SIRT7: variants seen among roughly 807,000 people sequenced by gnomAD.
SIRT7 encodes the protein NAD-dependent protein deacetylase sirtuin-7.
Under a neutral mutation model 42.8 loss-of-function variants are expected in SIRT7, and 32 were observed. The observed-to-expected ratio is 0.75, with a 90% CI of 0.56 to 1.00. The LOEUF is 1.00. Ranked by LOEUF, SIRT7 falls within the 50% of genes least tolerant of loss-of-function variation. The pLI is 0.00. For missense variants in SIRT7, 553 were observed against 572.2 expected, an observed-to-expected ratio of 0.97 and a Z score of 0.34; for synonymous variants, 297 against 245.2, an observed-to-expected ratio of 1.21 and a Z score of -1.97.
Position 81,914,063 on chromosome 17 carries a change from C to T in SIRT7, c.897+24G>A, listed in dbSNP as rs188937186. 6.3e-3 allele frequency: 10,175 copies of T among 1,612,478 alleles called. 41 individuals carry two copies. Among genetic ancestry groups the T allele is most frequent in the Non-Finnish European group, 7.4e-3 (8,781 of 1,179,356 alleles). ...GCGTTCTAAGACCCAGATCTAAGGACGTGGCTCTCAGCACCCGAGTTACCT... is the reference window on the plus strand; with the variant it reads ...GCGTTCTAAGACCCAGATCTAAGGATGTGGCTCTCAGCACCCGAGTTACCT... On this transcript the variant is annotated intron_variant, in intron 8 of 9. Transcript: ENST00000328666.
chr17:81,912,649 G>C (rs1381257803), intron 9 of SIRT7, 35 bp from the exon 10 acceptor site: 11 of 1,592,856 alleles, frequency 6.9e-6, no homozygotes, highest in Non-Finnish European at 9.4e-6. Context: ...AGGCGGGCCT[G>C]GGAGCCTCTC....
Position 81,918,176 on chromosome 17 carries a change from G to A in SIRT7, c.-45C>T, listed in dbSNP as rs1339412077. The A allele has an allele frequency of 2.3e-5, 35 of 1,513,850 alleles. No homozygotes were observed. In the East Asian group the frequency reaches 7.7e-4, roughly 33 times the overall value. 93.8% of individuals were successfully genotyped at this position (1,513,850 alleles called of 1,614,324 possible). ...TCTTCCGCTTCCGCCTCACACGGCA[G>A]GCCGCGCTCAGGGCGCATGCGCAAG... On this transcript the variant is annotated 5_prime_UTR_variant, in exon 1 of 10. Transcript: ENST00000328666.
At position 81,913,680 on chromosome 17, in the gene SIRT7, C is replaced by CA; in HGVS notation, c.1004+93dup. The CA allele has an allele frequency of 1.8e-6, 2 of 1,125,740 alleles. No individual in the cohort carries two copies. Among genetic ancestry groups the CA allele is most frequent in the Non-Finnish European group, 1.3e-6 (1 of 772,660 alleles). 69.7% of individuals were successfully genotyped at this position (1,125,740 alleles called of 1,614,324 possible). On this transcript the variant is annotated intron_variant, in intron 9 of 9. Transcript: ENST00000328666. This position sits in a 1 kb window ranked among gnomAD's most constrained non-coding sequence, Gnocchi z 5.0. ...GCCTCAGGCACCACTGCAAACACCT[C>CA]AGAGCTTCCTCCACACTCAGCTCAC...
chr17:81,915,570 G>A lies in SIRT7; in HGVS notation c.407+41C>T, dbSNP rs763215471. The A allele has an allele frequency of 3.9e-5, 63 of 1,612,842 alleles. No homozygotes were observed. In the Admixed American group the frequency reaches 8.2e-4, roughly 21 times the overall value. ...AGCTGGAGCTCAGGCCCGTGCTGCCGCTGCCCAGCCTATGTGGGAGGCCAT... is the reference window on the plus strand; with the variant it reads ...AGCTGGAGCTCAGGCCCGTGCTGCCACTGCCCAGCCTATGTGGGAGGCCAT... On this transcript the variant is annotated intron_variant, in intron 4 of 9. Transcript: ENST00000328666.
chr17:81,914,977 T>C, intron 5 of SIRT7: 1 of 532,730 alleles, frequency 1.9e-6, no homozygotes, highest in Middle Eastern at 5.2e-4. Context: ...CCCGGCAAGG[T>C]TGGGAAGTGG....
At chr17:81,917,404 G>C in intron 3 of SIRT7, 1 of 452,752 alleles carries the variant, frequency 2.2e-6, no homozygotes, top group Non-Finnish European at 3.8e-6. Flanking sequence ...CGAGCAGTCG[G>C]CTACTACACC....
Position 81,918,026 on chromosome 17 carries a change from G to A in SIRT7, c.93+13C>T, listed in dbSNP as rs753936427. ...GCCGGGCATGGCCGGGCCGGGGAGCGGCGGCGGCGTACCTGGCGGAGGCGC... is the reference window on the plus strand; with the variant it reads ...GCCGGGCATGGCCGGGCCGGGGAGCAGCGGCGGCGTACCTGGCGGAGGCGC... On this transcript the variant is annotated intron_variant, in intron 1 of 9. Transcript: ENST00000328666. 6.8e-5 allele frequency: 98 copies of A among 1,447,352 alleles called. No individual in the cohort carries two copies. The East Asian group carries it at 2.6e-3, about 39-fold the overall frequency. 89.7% of individuals were successfully genotyped at this position (1,447,352 alleles called of 1,614,324 possible).
rs904954659 is a variant in SIRT7 at position 81,917,828 on chromosome 17, G to A, written c.231+2C>T. 4.2e-6 allele frequency: 6 copies of A among 1,432,720 alleles called. No individual in the cohort carries two copies. The highest frequency in any genetic ancestry group is 4.6e-6 in the Non-Finnish European group (5 of 1,098,464). 88.8% of individuals were successfully genotyped at this position (1,432,720 alleles called of 1,614,324 possible). On this transcript the variant is annotated splice_donor_variant, in intron 2 of 9. Coordinates refer to ENST00000328666, the MANE Select transcript of SIRT7 (RefSeq NM_016538.3). LOFTEE classifies it low-confidence loss of function (GC_TO_GT_DONOR). ...CGCCCGCGCGCCGCACGCGGAACTCGCCTCCTCCTGCCGCCGCTTCAGGCC... is the reference window on the plus strand; with the variant it reads ...CGCCCGCGCGCCGCACGCGGAACTCACCTCCTCCTGCCGCCGCTTCAGGCC...
chr17:81,915,053 C>T (rs35278165), intron 5 of SIRT7: 72,455 of 479,940 alleles, frequency 0.15, 6,086 homozygotes, highest in Middle Eastern at 0.21. Context: ...CATTTCAGGT[C>T]CCTGGGGACC....
At position 81,915,698 on chromosome 17, in the gene SIRT7, A is replaced by T. The variant is rs201674096; in HGVS notation, c.337-17T>A. 2.1e-5 allele frequency: 34 copies of T among 1,612,824 alleles called. No homozygotes were observed. In the African/African-American group the frequency reaches 4.1e-4, roughly 20 times the overall value. On this transcript the variant is annotated splice_polypyrimidine_tract_variant and intron_variant, in intron 3 of 9. Transcript: ENST00000328666. ...AGACGCTGCCTGCATGTCGAGAAAA[A>T]AGGTAAGCCAAGTCAAAAGGCACCA...
Position 81,914,686 on chromosome 17 carries a change from G to C in SIRT7, c.497C>G (p.Ser166Cys), listed in dbSNP as rs1282023871. ...CAGGTGGAGCCCGTCACAGTTCTGA[G>C]ACACCACATGCTGCACCTGGAAGGC... ...HEQKLVQHVV[S>C]QNCDGLHLRS... Residue 166 changes from serine to cysteine, a missense_variant, in exon 6 of 10, where the codon TCT (serine) becomes TGT (cysteine). By Grantham distance (112) the Ser-to-Cys change is moderately radical. Coordinates refer to ENST00000328666, the MANE Select transcript of SIRT7 (RefSeq NM_016538.3). 6.2e-7 allele frequency: 1 copy of C among 1,612,710 alleles called. No homozygotes were observed. Among genetic ancestry groups the C allele is most frequent in the Admixed American group, 1.7e-5 (1 of 60,020 alleles).
In SIRT7 at chr17:81,912,765, A is replaced by G. The variant is rs1023317619; in HGVS notation, c.1005-151T>C. On this transcript the variant is annotated intron_variant, in intron 9 of 9. Transcript: ENST00000328666. The stretch of plus-strand genomic sequence containing the variant: ...CGGGGCTCTGGTTGGCGGCAGCTTC[A>G]TTGTTACCAAGCTGCAGAACGGATG... 7.5e-6 allele frequency: 6 copies of G among 803,552 alleles called. No homozygotes were observed. The African/African-American group carries it at 8.5e-5, about 11-fold the overall frequency. 49.8% of individuals were successfully genotyped at this position (803,552 alleles called of 1,614,324 possible).
chr17:81,914,023 G>A, intron 8 of SIRT7, 64 bp downstream of exon 8: 1 of 1,593,676 alleles, frequency 6.3e-7, no homozygotes, highest in Non-Finnish European at 8.6e-7. Context: ...ATGGGTGTGG[G>A]GTGTCTCTGG....
At position 81,914,187 on chromosome 17, in the gene SIRT7, G is replaced by A. The variant is rs201302870; in HGVS notation, c.817-20C>T. 11 of 1,612,958 alleles carry A rather than the reference G, an allele frequency of 6.8e-6. No homozygotes were observed. Among genetic ancestry groups the A allele is most frequent in the East Asian group, 4.5e-5 (2 of 44,872 alleles). ...TAGAACCTGTGGAAGCAGACAGACA[G>A]ACACCGCACACACACAAGGGACAAG... On this transcript the variant is annotated intron_variant, in intron 7 of 9. Coordinates refer to ENST00000328666, the MANE Select transcript of SIRT7 (RefSeq NM_016538.3).
chr17:81,918,107 A>G lies in SIRT7; in HGVS notation c.25T>C (p.Ser9Pro). 6.4e-7 allele frequency: 1 copy of G among 1,552,086 alleles called. No homozygotes were observed. Among genetic ancestry groups the G allele is most frequent in the South Asian group, 1.2e-5 (1 of 86,198 alleles). Residue 9 changes from serine to proline, a missense_variant, in exon 1 of 10, where the codon TCC becomes CCC. Transcript: ENST00000328666. ...ACCCGCTCCGCCGCTTTGCGCTCGG[A>G]GCGGCTCAGACCCCCGGCTGCCATC... MAAGGLSR[S>P]ERKAAERVRR... is the part of the protein sequence containing the mutation.
In SIRT7 at chr17:81,913,763, G is replaced by T; in HGVS notation, c.1004+11C>A. ...GTGCGGGGAAGCAGGCTGCTGCAGC[G>T]GCTCACTCACCTGCTATAGGCGGGG... is the stretch of plus-strand genomic sequence containing the variant. On this transcript the variant is annotated intron_variant, in intron 9 of 9. Transcript: ENST00000328666. This position sits in a 1 kb window ranked among gnomAD's most constrained non-coding sequence, Gnocchi z 5.0. 6.5e-7 allele frequency: 1 copy of T among 1,545,664 alleles called. No homozygotes were observed. The highest frequency in any genetic ancestry group is 1.2e-5 in the South Asian group (1 of 83,914).
chr17:81,912,814 G>A (rs2040709568), intron 9 of SIRT7, 200 bp from the exon 10 acceptor site: 3 of 637,562 alleles, frequency 4.7e-6, no homozygotes, highest in Admixed American at 5.0e-5. Context: ...CTCTTAGGTG[G>A]TGACTCAAAG....
intron 5 of SIRT7, chr17:81,915,070 G>C (rs140403377): frequency 7.0e-4 from 337 of 481,194 alleles, no homozygotes; most frequent in African/African-American, 6.1e-3. Context: ...GACCTAGGCA[G>C]ATCAACCACT....
In SIRT7 at chr17:81,917,983, CG is replaced by C; in HGVS notation, c.94-17del. 1 of 1,333,246 alleles carries C rather than the reference CG, an allele frequency of 7.5e-7. No homozygotes were observed. The highest frequency in any genetic ancestry group is 9.5e-7 in the Non-Finnish European group (1 of 1,051,004). The allele number at this position is 1,333,246 out of a possible 1,614,324, so 82.6% of individuals were successfully genotyped here. On this transcript the variant is annotated splice_polypyrimidine_tract_variant and intron_variant, in intron 1 of 9. Coordinates refer to ENST00000328666, the MANE Select transcript of SIRT7 (RefSeq NM_016538.3). ...TGCGCGACACCTGCGGGCAGGCGGA[CG>C]GTGAGCGGCGGCGCGGGCCGGGCAT...
Sources: allele counts gnomAD v4.1 joint callset, GRCh38; gene constraint gnomAD v4.1.1; non-coding constraint Gnocchi (gnomAD v3.1); transcripts MANE v1.5; gene names NCBI Gene and HGNC (gene_info 2026-07-23, HGNC 2026-07-21).